Variants in COL4A6 observed in about 807,000 individuals in gnomAD.
The protein encoded by COL4A6 is collagen type IV alpha 6 chain.
COL4A6 carries 59 observed loss-of-function variants against 126.7 expected under a neutral mutation model. The ratio of observed to expected loss-of-function variants is 0.47; its 90% CI spans 0.38 to 0.58. The LOEUF is 0.58. COL4A6 is among the 20% of genes least tolerant of loss of function. The pLI, the probability that COL4A6 is intolerant of heterozygous loss-of-function variation, is 0.00. For synonymous variants in COL4A6, 547 were observed against 496.6 expected (o/e 1.10, Z -1.35); for missense variants, 1,285 against 1,337.3 (o/e 0.96, Z 0.61).
intron 2 of COL4A6, among the ~76,000 whole-genome samples, chrX:108,360,369 C>T (rs1240625946): frequency 9.0e-6 from 1 of 111,562 alleles, no homozygotes; most frequent in Non-Finnish European, 1.9e-5. Context: ...ATTTGGGAGA[C>T]AAGAATGACT....
In COL4A6 at chrX:108,438,242, C is replaced by T; in HGVS notation, c.-46G>A. ...TGGGTCCCGGGAGACTGCTAAGCGG[C>T]TCCGCGGCCCGTGCTCATCTGGGCT... On this transcript the variant is annotated 5_prime_UTR_variant, in exon 1 of 45. Coordinates refer to ENST00000334504, the MANE Select transcript of COL4A6 (RefSeq NM_033641.4). The T allele has an allele frequency of 2.6e-6, 3 of 1,163,825 alleles. No individual in the cohort carries two copies. Among genetic ancestry groups the T allele is most frequent in the South Asian group, 4.2e-5 (2 of 47,800 alleles).
chrX:108,299,506 T>C (rs1307538420), intron 3 of COL4A6, among the ~76,000 whole-genome samples: 1 of 111,435 alleles, frequency 9.0e-6, no homozygotes, highest in Admixed American at 9.5e-5. Context: ...CCCTTGCTCA[T>C]AGCTGTATTG....
intron 2 of COL4A6, among the ~76,000 whole-genome samples, chrX:108,430,986 T>C (rs1343822677): frequency 1.3e-4 from 15 of 111,604 alleles, no homozygotes; most frequent in Non-Finnish European, 1.7e-4. Context: ...TCAAAAGAGA[T>C]GTCTTGGCTG....
intron 3 of COL4A6, among the ~76,000 whole-genome samples, chrX:108,284,849 G>T (rs778690432): frequency 8.9e-6 from 1 of 112,047 alleles, no homozygotes; most frequent in Admixed American, 9.5e-5. Context: ...CTTCAAACGT[G>T]CCTCCATGTC....
chrX:108,428,429 T>A (rs2064123815), intron 2 of COL4A6, among the ~76,000 whole-genome samples: 1 of 111,875 alleles, frequency 8.9e-6, no homozygotes, highest in Non-Finnish European at 1.9e-5. Flanking sequence ...GGGAGAGGAA[T>A]TTAGCACCTA....
At chrX:108,289,640 T>TATAAAATA (rs1391204519) in intron 3 of COL4A6, among the ~76,000 whole-genome samples, 1 of 111,745 alleles carries the variant, frequency 8.9e-6, no homozygotes, top group Non-Finnish European at 1.9e-5. Context: ...AGACATAGAC[T>TATAAAATA]TGCAGGCAGC....
chrX:108,338,026 T>A (rs943614099), intron 2 of COL4A6, among the ~76,000 whole-genome samples: 7 of 105,555 alleles, frequency 6.6e-5, no homozygotes, highest in Admixed American at 4.1e-4. Flanking sequence ...ACCAACCAGA[T>A]TTTTTTTTTA....
intron 2 of COL4A6, among the ~76,000 whole-genome samples, chrX:108,340,162 G>A (rs1485347920): frequency 9.0e-6 from 1 of 111,232 alleles, no homozygotes; most frequent in Non-Finnish European, 1.9e-5. Context: ...ATTCTCCAGG[G>A]CAGCATTGGA....
intron 3 of COL4A6, among the ~76,000 whole-genome samples, chrX:108,234,314 C>A (rs1215442934): frequency 9.0e-6 from 1 of 111,610 alleles, no homozygotes; most frequent in East Asian, 2.8e-4. Flanking sequence ...AATTCTTGGT[C>A]AAAAATTCCA....
intron 2 of COL4A6, among the ~76,000 whole-genome samples, chrX:108,345,496 A>G (rs1402464401): frequency 8.9e-6 from 1 of 111,749 alleles, no homozygotes; most frequent in Non-Finnish European, 1.9e-5. Context: ...AGCATAGGAG[A>G]TCAGCATTAA....
intron 2 of COL4A6, among the ~76,000 whole-genome samples, chrX:108,346,856 G>A (rs1031958356): frequency 1.8e-5 from 2 of 111,775 alleles, no homozygotes; most frequent in East Asian, 2.8e-4. Context: ...GAGTGACAGC[G>A]GTCGTAGTGA....
intron 2 of COL4A6, among the ~76,000 whole-genome samples, chrX:108,371,481 AT>A (rs2040323863): frequency 9.1e-6 from 1 of 109,343 alleles, no homozygotes; most frequent in African/African-American, 3.3e-5. Flanking sequence ...CATTAAAAAA[AT>A]TCTAAACACA....
At chrX:108,388,122 A>G (rs1224079254) in intron 2 of COL4A6, among the ~76,000 whole-genome samples, 2 of 111,911 alleles carry the variant, frequency 1.8e-5, no homozygotes, top group Non-Finnish European at 3.8e-5. Flanking sequence ...GTTTGCCAGT[A>G]TCTTATTGAG....
At chrX:108,317,802 C>A (rs1237589716) in intron 2 of COL4A6, among the ~76,000 whole-genome samples, 1 of 111,971 alleles carries the variant, frequency 8.9e-6, no homozygotes, top group Admixed American at 9.5e-5. Flanking sequence ...TGTTTTGGTA[C>A]CAGTACCATG....
At chrX:108,298,979 G>T (rs955747878) in intron 3 of COL4A6, among the ~76,000 whole-genome samples, 1 of 111,139 alleles carries the variant, frequency 9.0e-6, no homozygotes, top group African/African-American at 3.3e-5. Flanking sequence ...ATAATGGATC[G>T]CATCAGATCA....
At chrX:108,425,825 T>G (rs771522419) in intron 2 of COL4A6, among the ~76,000 whole-genome samples, 1 of 111,029 alleles carries the variant, frequency 9.0e-6, no homozygotes, top group Non-Finnish European at 1.9e-5. Flanking sequence ...TCTTACTGAC[T>G]TTATAAATTA....
intron 5 of COL4A6, among the ~76,000 whole-genome samples, chrX:108,216,714 G>A (rs1467385026): frequency 8.9e-6 from 1 of 112,829 alleles, no homozygotes; most frequent in Non-Finnish European, 1.9e-5. Flanking sequence ...TCAAGGGACT[G>A]AGCACATGGA....
Position 108,295,336 on chromosome X carries a change from A to G in COL4A6, c.144+15412T>C, listed in dbSNP as rs192839191. ...GGGAGCTCTGGCTTTCTGTGGGCCC[A>G]GATGGATACTGAAGGATCTTTGACA... is the stretch of plus-strand genomic sequence containing the variant. On this transcript the variant is annotated intron_variant, in intron 3 of 44. Transcript: ENST00000334504. 3.0e-3 allele frequency among the ~76,000 whole-genome samples: 333 copies of G among 112,134 alleles called. 1 individual carries two copies. The highest frequency in any genetic ancestry group is 0.01 in the African/African-American group (319 of 30,855).
intron 2 of COL4A6, among the ~76,000 whole-genome samples, chrX:108,325,376 G>A (rs1399600551): frequency 1.8e-5 from 2 of 111,494 alleles, no homozygotes; most frequent in African/African-American, 6.5e-5. Flanking sequence ...GGTGATTCCC[G>A]TGCAAGACAT....
Sources: allele counts gnomAD v4.1 joint callset (sites outside exome capture counted in the v4.1 genomes callset), GRCh38; gene constraint gnomAD v4.1.1; transcripts MANE v1.5; gene names NCBI Gene and HGNC (gene_info 2026-07-23, HGNC 2026-07-21).